Variants in LHFPL2 observed in about 807,000 individuals in gnomAD.
LHFPL2 encodes the protein LHFPL tetraspan subfamily member 2, also known as LHFPL tetraspan subfamily member 2 protein.
In LHFPL2, 7 loss-of-function variants were observed where a neutral mutation model predicts 17.5. The observed-to-expected ratio is 0.40, with a 90% CI of 0.23 to 0.75. LHFPL2 has a LOEUF of 0.75. Among genes scored for constraint, LHFPL2 ranks in the 30% least tolerant of loss-of-function variants. The pLI, the probability that LHFPL2 is intolerant of heterozygous loss-of-function variation, is 0.37. For missense variants in LHFPL2, 241 were observed against 294.8 expected, an observed-to-expected ratio of 0.82 and a Z score of 1.34; for synonymous variants, 134 against 116.2, an observed-to-expected ratio of 1.15 and a Z score of -0.99.
At chr5:78,640,480 C>T (rs1360403021) in intron 1 of LHFPL2, among the ~76,000 whole-genome samples, 1 of 152,192 alleles carries the variant, frequency 6.6e-6, no homozygotes, top group Non-Finnish European at 1.5e-5. Context: ...AACGTCAGTT[C>T]TGTTTAAAGA....
chr5:78,562,576 A>G (rs1393597095), intron 3 of LHFPL2, among the ~76,000 whole-genome samples: 1 of 151,340 alleles, frequency 6.6e-6, no homozygotes, highest in Non-Finnish European at 1.5e-5. Context: ...CGGAGGCTGC[A>G]GTGAGCCAAG....
chr5:78,551,343 A>T (rs1365832733), intron 3 of LHFPL2, among the ~76,000 whole-genome samples: 2 of 152,212 alleles, frequency 1.3e-5, no homozygotes, highest in Admixed American at 1.3e-4. Flanking sequence ...GAATGGCTGA[A>T]CGTCAAATCT....
intron 2 of LHFPL2, among the ~76,000 whole-genome samples, chr5:78,588,970 T>G (rs1743530227): frequency 6.6e-6 from 1 of 152,176 alleles, no homozygotes. Context: ...CTAATATATA[T>G]TGTTACATAT....
At chr5:78,603,065 A>AT (rs772727463) in intron 2 of LHFPL2, among the ~76,000 whole-genome samples, 229 of 151,582 alleles carry the variant, frequency 1.5e-3, no homozygotes, top group Non-Finnish European at 2.0e-3. Flanking sequence ...TAATTTTTGT[A>AT]TTTTTTTTAG....
chr5:78,548,139 T>G (rs1426897153), intron 3 of LHFPL2, among the ~76,000 whole-genome samples: 1 of 152,212 alleles, frequency 6.6e-6, no homozygotes, highest in Admixed American at 6.5e-5. Context: ...CCCAACTCAC[T>G]CTGGCCAGCA....
rs1305366476 is a variant in LHFPL2, at chr5:78,585,243, G to A, written c.-244-20372C>T. Among the ~76,000 whole-genome samples, 4 of 119,110 alleles carry A rather than the reference G, an allele frequency of 3.4e-5. 2 individuals carry two copies. The highest frequency in any genetic ancestry group is 4.4e-4 in the East Asian group (2 of 4,580). The allele number at this position is 119,110 out of a possible 152,430, so 78.1% of individuals were successfully genotyped here. On this transcript the variant is annotated intron_variant, in intron 2 of 4. Transcript: ENST00000380345. ...GGGATGGTCTCGATATCCTGACCTC[G>A]TGATCCGCCCGCCTCGGCCTCCCAA...
rs544785717 is a variant in LHFPL2, at chr5:78,581,994, C to G, written c.-244-17123G>C. Among the ~76,000 whole-genome samples the G allele has an allele frequency of 2.6e-5, 4 of 152,258 alleles. No homozygotes were observed. In the East Asian group the frequency reaches 5.8e-4, roughly 22 times the overall value. On this transcript the variant is annotated intron_variant, in intron 2 of 4. Coordinates refer to ENST00000380345, the MANE Select transcript of LHFPL2 (RefSeq NM_005779.3). ...CCTGTTATTGGTCTATTCAGAGATT[C>G]AACTTCTTCATGGTTTAGTCTTGGG...
chr5:78,589,337 G>A (rs1743543009), intron 2 of LHFPL2, among the ~76,000 whole-genome samples: 1 of 151,932 alleles, frequency 6.6e-6, no homozygotes, highest in South Asian at 2.1e-4. Context: ...TGGGCATGGT[G>A]GCACGCGCCT....
At chr5:78,505,108 G>A (rs1754892753) in intron 4 of LHFPL2, among the ~76,000 whole-genome samples, 1 of 152,124 alleles carries the variant, frequency 6.6e-6, no homozygotes, top group African/African-American at 2.4e-5. Context: ...GGACTTCTAA[G>A]AGAGCCCTAC....
At chr5:78,629,382 C>T (rs1745167053) in intron 2 of LHFPL2, among the ~76,000 whole-genome samples, 1 of 152,178 alleles carries the variant, frequency 6.6e-6, no homozygotes, top group African/African-American at 2.4e-5. Context: ...ACTGGTCACC[C>T]AATCACAGCT....
intron 1 of LHFPL2, among the ~76,000 whole-genome samples, chr5:78,633,197 G>A (rs1745315620): frequency 6.6e-6 from 1 of 152,196 alleles, no homozygotes; most frequent in African/African-American, 2.4e-5. Flanking sequence ...CCACATCCTG[G>A]TCGGTTGTGA....
chr5:78,578,929 A>G (rs147476715), intron 2 of LHFPL2, among the ~76,000 whole-genome samples: 2 of 152,300 alleles, frequency 1.3e-5, no homozygotes, highest in Non-Finnish European at 2.9e-5. Flanking sequence ...GACGCCAACC[A>G]AGTCTTGCTC....
At chr5:78,616,891 T>G (rs1033018198) in intron 2 of LHFPL2, among the ~76,000 whole-genome samples, 1 of 152,252 alleles carries the variant, frequency 6.6e-6, no homozygotes, top group Non-Finnish European at 1.5e-5. Context: ...GAAAGATCCC[T>G]GCATATGGTT....
At chr5:78,586,447 A>G (rs1021426656) in intron 2 of LHFPL2, among the ~76,000 whole-genome samples, 2 of 152,218 alleles carry the variant, frequency 1.3e-5, no homozygotes, top group Admixed American at 1.3e-4. Context: ...TCCTCATTTC[A>G]TAACTGCAGT....
intron 3 of LHFPL2, among the ~76,000 whole-genome samples, chr5:78,528,639 CAAT>C (rs1448483015): frequency 3.3e-5 from 5 of 152,196 alleles, no homozygotes; most frequent in Non-Finnish European, 7.3e-5. Context: ...CAATAACTAA[CAAT>C]GATGGTGCCA....
intron 2 of LHFPL2, among the ~76,000 whole-genome samples, chr5:78,576,245 A>AGATCG (rs1436306810): frequency 2.6e-5 from 4 of 152,024 alleles, no homozygotes; most frequent in African/African-American, 9.7e-5. Flanking sequence ...CAGTGAGCCG[A>AGATCG]GATCGCGCCA....
chr5:78,563,700 CAAA>C (rs1198192351), intron 3 of LHFPL2, among the ~76,000 whole-genome samples: 3 of 93,286 alleles, frequency 3.2e-5, no homozygotes, highest in Non-Finnish European at 4.9e-5. Context: ...GACTCCACTT[CAAA>C]AAAAAAAAAA....
chr5:78,488,225 G>C lies in LHFPL2; in HGVS notation c.*672C>G, dbSNP rs915556913. 6.5e-6 allele frequency: 1 copy of C among 153,006 alleles called. No homozygotes were observed. Among genetic ancestry groups the C allele is most frequent in the African/African-American group, 2.4e-5 (1 of 41,448 alleles). 9.5% of individuals were successfully genotyped at this position (153,006 alleles called of 1,614,324 possible). On this transcript the variant is annotated 3_prime_UTR_variant, in exon 5 of 5. Transcript: ENST00000380345. ...TTCATATTTTTGTTCTCATATGATT[G>C]TATAGGTCCTTATTGTTTCTTTACT... is the stretch of plus-strand genomic sequence containing the variant.
At chr5:78,517,891 T>C (rs1755338107) in intron 3 of LHFPL2, among the ~76,000 whole-genome samples, 2 of 152,242 alleles carry the variant, frequency 1.3e-5, no homozygotes, top group South Asian at 4.1e-4. Flanking sequence ...GCGTATTTTA[T>C]GTTTGTTTTC....
Sources: gnomAD v4.1 joint callset for allele counts (sites outside exome capture counted in the v4.1 genomes callset) on GRCh38, gnomAD v4.1.1 for gene constraint, MANE v1.5 for transcripts, NCBI Gene and HGNC (gene_info 2026-07-23, HGNC 2026-07-21) for gene names.